The following AGBL1 variants were observed in gnomAD, a reference collection of about 807,000 sequenced individuals.
AGBL1 encodes cytosolic carboxypeptidase 4.
AGBL1 carries 130 observed loss-of-function variants against 118.9 expected under a neutral mutation model. That is an observed-to-expected ratio of 1.09 (90% CI 0.95 to 1.26). The LOEUF (loss-of-function observed/expected upper bound fraction) is 1.26, where lower values mean the gene tolerates loss of function less well. AGBL1 is among the 50% of genes most tolerant of loss of function. The pLI, the probability that AGBL1 is intolerant of heterozygous loss-of-function variation, is 0.00. For synonymous variants in AGBL1, 555 were observed against 478.9 expected, an observed-to-expected ratio of 1.16 and a Z score of -2.08; for missense variants, 1,584 against 1,298.1, an observed-to-expected ratio of 1.22 and a Z score of -3.38.
At chr15:86,473,597 G>A (rs1221192914) in intron 18 of AGBL1, among the ~76,000 whole-genome samples, 1 of 151,930 alleles carries the variant, frequency 6.6e-6, no homozygotes, top group African/African-American at 2.4e-5. Flanking sequence ...TTGTGTTAAT[G>A]TATGTATTTT....
In AGBL1 at chr15:86,907,091, A is replaced by C. The variant is rs2080290933; in HGVS notation, c.3163A>C (p.Ser1055Arg). 1.3e-5 allele frequency: 2 copies of C among 152,130 alleles called. No homozygotes were observed. The highest frequency in any genetic ancestry group is 2.9e-5 in the Non-Finnish European group (2 of 68,210). 9.4% of individuals were successfully genotyped at this position (152,130 alleles called of 1,614,324 possible). The change falls in exon 23 of 23, where the codon AGC (serine) becomes CGC (arginine). Residue 1055 changes from serine (S) to arginine (R), a missense_variant. Physicochemically the swap from Ser to Arg is moderately radical, Grantham distance 110. Transcript: ENST00000614907. ...DALDQHLQRC[S>R]SSSGSVPSEL... ...TTTCCCGGGACCCAATGGCAGGTGCAGCAGCAGCAGTGGCAGCGTCCCTTC... is the reference window on the plus strand; with the variant it reads ...TTTCCCGGGACCCAATGGCAGGTGCCGCAGCAGCAGTGGCAGCGTCCCTTC...
chr15:86,222,995 G>A (rs946292010), intron 5 of AGBL1, among the ~76,000 whole-genome samples: 7 of 152,120 alleles, frequency 4.6e-5, no homozygotes, highest in Non-Finnish European at 7.4e-5. Flanking sequence ...GAGATTCTGC[G>A]TTTCTATCTG....
intron 21 of AGBL1, among the ~76,000 whole-genome samples, chr15:86,609,289 G>T (rs2084626270): frequency 6.6e-6 from 1 of 152,166 alleles, no homozygotes; most frequent in African/African-American, 2.4e-5. Context: ...AAATCAGAAA[G>T]GAGGAGGAAT....
intron 22 of AGBL1, among the ~76,000 whole-genome samples, chr15:86,884,402 T>A (rs2079940200): frequency 6.6e-6 from 1 of 152,242 alleles, no homozygotes; most frequent in African/African-American, 2.4e-5. Flanking sequence ...GATTTGTTTA[T>A]TCCTGGAATT....
chr15:86,118,091 A>AAT (rs1897871563), intron 1 of AGBL1, among the ~76,000 whole-genome samples: 1 of 152,212 alleles, frequency 6.6e-6, no homozygotes, highest in Non-Finnish European at 1.5e-5. Flanking sequence ...CCTGGGTGTC[A>AAT]ATATAATGTT....
intron 18 of AGBL1, among the ~76,000 whole-genome samples, chr15:86,476,387 T>A (rs956205330): frequency 6.6e-6 from 1 of 152,078 alleles, no homozygotes; most frequent in Non-Finnish European, 1.5e-5. Context: ...TGGAGAAAGA[T>A]CTACCAAGAA....
chr15:86,387,698 T>C (rs561145619), intron 17 of AGBL1, among the ~76,000 whole-genome samples: 2 of 152,334 alleles, frequency 1.3e-5, no homozygotes, highest in Admixed American at 1.3e-4. Flanking sequence ...CCAAAACTTA[T>C]CAGCTACAAA....
chr15:86,892,598 C>T (rs1305337620), intron 22 of AGBL1, among the ~76,000 whole-genome samples: 1 of 152,070 alleles, frequency 6.6e-6, no homozygotes, highest in Non-Finnish European at 1.5e-5. Context: ...AGATCTACCC[C>T]ATAGATTTGT....
At chr15:87,010,371 C>T (rs565437712) in intron 24 of AGBL1, among the ~76,000 whole-genome samples, 12 of 152,274 alleles carry the variant, frequency 7.9e-5, no homozygotes, top group East Asian at 7.7e-4. Context: ...ACTGTAAATC[C>T]GTTAAACCTC....
chr15:86,430,834 T>C (rs1211253987), intron 18 of AGBL1, among the ~76,000 whole-genome samples: 2 of 152,220 alleles, frequency 1.3e-5, no homozygotes, highest in African/African-American at 4.8e-5. Flanking sequence ...GTGATACATA[T>C]ACATTTTTAA....
chr15:86,344,993 TAATC>T (rs964700421), intron 17 of AGBL1, among the ~76,000 whole-genome samples: 14 of 152,172 alleles, frequency 9.2e-5, no homozygotes, highest in African/African-American at 2.9e-4. Flanking sequence ...ATTAATTATT[TAATC>T]AATCTATTCA....
rs751870538 is a variant in AGBL1, at chr15:86,722,610, GTCT to G, written c.3158+48175_3158+48177del. ...ACATAGGCATGGGCAAGGACTTCCT[GTCT>G]AAAACACCAAAAGCAATGGCAACAA... On this transcript the variant is annotated intron_variant, in intron 22 of 22. Coordinates refer to ENST00000614907, the MANE Select transcript of AGBL1 (RefSeq NM_001386094.1). Among the ~76,000 whole-genome samples the G allele has an allele frequency of 5.3e-3, 812 of 152,322 alleles. 2 individuals carry two copies. The highest frequency in any genetic ancestry group is 9.2e-3 in the Non-Finnish European group (629 of 68,024).
chr15:86,686,145 T>G (rs1481956842), intron 22 of AGBL1, among the ~76,000 whole-genome samples: 1 of 152,212 alleles, frequency 6.6e-6, no homozygotes. Flanking sequence ...GCAAAGGACA[T>G]GCAATGATTT....
At chr15:86,192,749 A>G (rs1232238438) in intron 5 of AGBL1, among the ~76,000 whole-genome samples, 1 of 152,206 alleles carries the variant, frequency 6.6e-6, no homozygotes, top group Non-Finnish European at 1.5e-5. Flanking sequence ...ATCAAATACT[A>G]TTCAGTCATT....
intron 18 of AGBL1, among the ~76,000 whole-genome samples, chr15:86,459,418 C>A (rs2082302173): frequency 6.6e-6 from 1 of 152,098 alleles, no homozygotes; most frequent in Admixed American, 6.5e-5. Flanking sequence ...AACAGTACTG[C>A]TTTCTCTAGT....
chr15:86,925,510 G>T (rs1036694454), intron 23 of AGBL1, among the ~76,000 whole-genome samples: 2 of 151,968 alleles, frequency 1.3e-5, no homozygotes, highest in South Asian at 4.2e-4. Flanking sequence ...TTTTTCTTCT[G>T]TTCCAACGTC....
intron 21 of AGBL1, among the ~76,000 whole-genome samples, chr15:86,612,393 G>A (rs1304773109): frequency 7.6e-6 from 1 of 131,248 alleles, no homozygotes; most frequent in East Asian, 2.5e-4. Flanking sequence ...TGGCCAAGGG[G>A]ATTCCAAAAA....
At chr15:86,931,696 G>A (rs1385045194) in intron 23 of AGBL1, among the ~76,000 whole-genome samples, 4 of 152,070 alleles carry the variant, frequency 2.6e-5, no homozygotes, top group African/African-American at 7.3e-5. Context: ...TGTGTGTGGT[G>A]TGAGGTGGAG....
intron 22 of AGBL1, among the ~76,000 whole-genome samples, chr15:86,867,949 T>C (rs922449452): frequency 2.0e-5 from 3 of 152,214 alleles, no homozygotes; most frequent in African/African-American, 7.2e-5. Flanking sequence ...TAGCAATCGT[T>C]ACAGAGAGGT....
Sources: gnomAD v4.1 joint callset for allele counts (sites outside exome capture counted in the v4.1 genomes callset) on GRCh38, gnomAD v4.1.1 for gene constraint, MANE v1.5 for transcripts, NCBI Gene and HGNC (gene_info 2026-07-23, HGNC 2026-07-21) for gene names.